PTPRD: variants seen among roughly 807,000 people sequenced by gnomAD.
PTPRD encodes the protein protein tyrosine phosphatase receptor type D, also known as receptor-type tyrosine-protein phosphatase delta.
A neutral mutation model predicts 214.5 loss-of-function variants in PTPRD; 34 were observed. The ratio of observed to expected loss-of-function variants is 0.16; its 90% confidence interval spans 0.12 to 0.21. PTPRD has a LOEUF of 0.21. Among genes scored for constraint, PTPRD ranks in the 10% least tolerant of loss-of-function variants. The pLI is 1.00. For synonymous variants in PTPRD, 1,128 were observed against 845.7 expected, an observed-to-expected ratio of 1.33 and a Z score of -5.79; for missense variants, 2,545 against 2,398.7, an observed-to-expected ratio of 1.06 and a Z score of -1.27.
chr9:8,929,091 G>A (rs1466387343), intron 11 of PTPRD, among the ~76,000 whole-genome samples: 1 of 152,116 alleles, frequency 6.6e-6, no homozygotes, highest in East Asian at 1.9e-4. Context: ...ATTTTGGGCT[G>A]AGACGATGGG....
chr9:8,490,825 A>T (rs1435111042), intron 27 of PTPRD, among the ~76,000 whole-genome samples: 2 of 152,200 alleles, frequency 1.3e-5, no homozygotes, highest in Non-Finnish European at 2.9e-5. Context: ...ATAATAAACA[A>T]ATATCCCACA....
intron 4 of PTPRD, among the ~76,000 whole-genome samples, chr9:10,015,548 T>C (rs1387921227): frequency 6.6e-6 from 1 of 152,142 alleles, no homozygotes; most frequent in East Asian, 1.9e-4. Context: ...CAGTTAGTAT[T>C]TTATAGGATA....
At chr9:9,654,626 C>T (rs1464844776) in intron 7 of PTPRD, among the ~76,000 whole-genome samples, 1 of 152,132 alleles carries the variant, frequency 6.6e-6, no homozygotes, top group African/African-American at 2.4e-5. Context: ...TTTGTAGGAA[C>T]ATTCTACATT....
chr9:10,374,727 A>C (rs546720907), intron 2 of PTPRD, among the ~76,000 whole-genome samples: 36 of 152,062 alleles, frequency 2.4e-4, no homozygotes, highest in Non-Finnish European at 5.1e-4. Context: ...GAAAGGACCC[A>C]CTTGATTAGA....
intron 5 of PTPRD, among the ~76,000 whole-genome samples, chr9:9,921,012 G>T (rs529763836): frequency 6.6e-6 from 1 of 152,162 alleles, no homozygotes; most frequent in South Asian, 2.1e-4. Context: ...TACTTTCAAG[G>T]CTCTACCTTG....
At chr9:10,523,157 T>C (rs1288255547) in intron 2 of PTPRD, among the ~76,000 whole-genome samples, 8 of 152,050 alleles carry the variant, frequency 5.3e-5, no homozygotes, top group African/African-American at 1.9e-4. Flanking sequence ...AATTAGAACA[T>C]TTGGGAAATA....
At chr9:10,174,689 T>C (rs1322755962) in intron 3 of PTPRD, among the ~76,000 whole-genome samples, 3 of 151,956 alleles carry the variant, frequency 2.0e-5, no homozygotes, top group African/African-American at 7.2e-5. Context: ...AATCAACTAA[T>C]CATAAGTGCA....
intron 3 of PTPRD, among the ~76,000 whole-genome samples, chr9:10,277,271 T>C (rs972346791): frequency 1.5e-5 from 2 of 136,244 alleles, no homozygotes; most frequent in Non-Finnish European, 3.3e-5. Flanking sequence ...AAACCCTGAG[T>C]TGAGTTATAA....
intron 2 of PTPRD, among the ~76,000 whole-genome samples, chr9:10,363,829 A>C (rs575391992): frequency 5.3e-5 from 8 of 152,168 alleles, no homozygotes; most frequent in Admixed American, 3.3e-4. Context: ...GATAGATGCT[A>C]TGGAAAATTT....
intron 4 of PTPRD, among the ~76,000 whole-genome samples, chr9:9,963,645 G>C (rs1367129121): frequency 6.6e-6 from 1 of 152,150 alleles, no homozygotes; most frequent in African/African-American, 2.4e-5. Flanking sequence ...GGTAGAGACA[G>C]TTGATGTTTA....
intron 9 of PTPRD, among the ~76,000 whole-genome samples, chr9:9,312,493 G>C (rs1213966749): frequency 6.6e-6 from 1 of 152,144 alleles, no homozygotes; most frequent in African/African-American, 2.4e-5. Flanking sequence ...TGTCTGTGTG[G>C]AGTTTTCAGC....
rs76892644 is a variant in PTPRD at position 8,680,927 on chromosome 9, G to A, written c.65-44083C>T. On this transcript the variant is annotated intron_variant, in intron 12 of 45. Coordinates refer to ENST00000381196, the MANE Select transcript of PTPRD (RefSeq NM_002839.4). ...TCAGGGCCCTGGAAGAAGATATGCTGTGAAAGCAGCAGCAACACAATGGAG... is the reference window on the plus strand; with the variant it reads ...TCAGGGCCCTGGAAGAAGATATGCTATGAAAGCAGCAGCAACACAATGGAG... Among the ~76,000 whole-genome samples the A allele has an allele frequency of 9.5e-4, 144 of 152,332 alleles. 1 individual carries two copies. Among genetic ancestry groups the A allele is most frequent in the African/African-American group, 3.4e-3 (143 of 41,582 alleles).
chr9:8,635,302 C>T (rs1388406642), intron 13 of PTPRD, among the ~76,000 whole-genome samples: 7 of 151,386 alleles, frequency 4.6e-5, no homozygotes, highest in Non-Finnish European at 1.0e-4. Context: ...CATTAGAAAG[C>T]GTGATGTCAA....
intron 8 of PTPRD, among the ~76,000 whole-genome samples, chr9:9,573,312 T>C (rs2154302754): frequency 6.6e-6 from 1 of 151,570 alleles, no homozygotes; most frequent in South Asian, 2.1e-4. Context: ...AAGATACTTC[T>C]TATGTTCTGT....
At chr9:9,560,950 T>A (rs1591611791) in intron 8 of PTPRD, among the ~76,000 whole-genome samples, 1 of 152,078 alleles carries the variant, frequency 6.6e-6, no homozygotes, top group East Asian at 1.9e-4. Context: ...CCTGGCTCCC[T>A]CCTGTCTATC....
chr9:9,415,535 G>A (rs1569568120), intron 8 of PTPRD, among the ~76,000 whole-genome samples: 3 of 152,062 alleles, frequency 2.0e-5, no homozygotes, highest in East Asian at 1.9e-4. Context: ...TGAGATTTAT[G>A]AGCCAAGAAT....
intron 11 of PTPRD, among the ~76,000 whole-genome samples, chr9:8,885,643 C>G (rs1328131261): frequency 6.6e-6 from 1 of 151,742 alleles, no homozygotes; most frequent in Non-Finnish European, 1.5e-5. Context: ...ATTATGGGTG[C>G]CTGCCACCAC....
chr9:10,338,900 C>G (rs1387849697), intron 3 of PTPRD, among the ~76,000 whole-genome samples: 1 of 150,888 alleles, frequency 6.6e-6, no homozygotes, highest in Non-Finnish European at 1.5e-5. Context: ...AAATAGAGTA[C>G]ATTGCTAAAG....
At chr9:8,962,464 T>C (rs1235253568) in intron 11 of PTPRD, among the ~76,000 whole-genome samples, 1 of 151,688 alleles carries the variant, frequency 6.6e-6, no homozygotes, top group Non-Finnish European at 1.5e-5. Flanking sequence ...ATTTTGGCAG[T>C]CATCTTCCCT....
Sources: gnomAD v4.1 joint callset for allele counts (sites outside exome capture counted in the v4.1 genomes callset) on GRCh38, gnomAD v4.1.1 for gene constraint, MANE v1.5 for transcripts, NCBI Gene and HGNC (gene_info 2026-07-23, HGNC 2026-07-21) for gene names.